The following NRP2 variants were observed in gnomAD, a reference collection of about 807,000 sequenced individuals.
NRP2 encodes the protein neuropilin 2, also known as neuropilin-2.
In NRP2, 52 loss-of-function variants were observed where a neutral mutation model predicts 110.4. The observed-to-expected ratio is 0.47, with a 90% CI of 0.38 to 0.59. The LOEUF (loss-of-function observed/expected upper bound fraction) is 0.59. Ranked by LOEUF, NRP2 falls within the 20% of genes least tolerant of loss-of-function variation. The probability of loss-of-function intolerance (pLI) is 0.00; values close to 1 mark genes in which losing one functional copy is unlikely to be tolerated. For synonymous variants in NRP2, 508 were observed against 468.9 expected (o/e 1.08, Z -1.08); for missense variants, 1,049 against 1,203.0 (o/e 0.87, Z 1.89).
Position 205,732,881 on chromosome 2 carries a change from T to A in NRP2, c.1146+4835T>A, listed in dbSNP as rs570803017. ...AAGTTTTCAGGAAAAACCTTTTTTT[T>A]AAAAAAACCTCCTGGCAGATGATGG... On this transcript the variant is annotated intron_variant, in intron 7 of 16. Coordinates refer to ENST00000357785, the MANE Select transcript of NRP2 (RefSeq NM_003872.3). 1.0e-3 allele frequency among the ~76,000 whole-genome samples: 154 copies of A among 152,164 alleles called. 1 individual carries two copies. The highest frequency in any genetic ancestry group is 6.8e-3 in the Middle Eastern group (2 of 294).
chr2:205,788,177 G>A (rs535624631), intron 15 of NRP2, among the ~76,000 whole-genome samples: 1 of 152,128 alleles, frequency 6.6e-6, no homozygotes, highest in African/African-American at 2.4e-5. Flanking sequence ...TCTGTCTCTC[G>A]ATGATGCAGA....
intron 2 of NRP2, among the ~76,000 whole-genome samples, chr2:205,703,985 C>T (rs2105756923): frequency 6.6e-6 from 1 of 152,240 alleles, no homozygotes; most frequent in Middle Eastern, 3.4e-3. Flanking sequence ...ACAGGGTGGT[C>T]AGGAAGCAGG....
chr2:205,750,586 T>C (rs1480366028), intron 11 of NRP2, among the ~76,000 whole-genome samples: 1 of 152,254 alleles, frequency 6.6e-6, no homozygotes, highest in African/African-American at 2.4e-5. Context: ...GTCAGTCACA[T>C]TTTAAATCAT....
intron 13 of NRP2, chr2:205,764,349 A>G (rs1304902450): frequency 5.1e-6 from 1 of 194,776 alleles, no homozygotes; most frequent in African/African-American, 2.4e-5. Flanking sequence ...CAGCAAGAAC[A>G]CAGGAAGGGG....
In NRP2 at chr2:205,686,409, A is replaced by G. The variant is rs913198346; in HGVS notation, c.73+3046A>G. Among the ~76,000 whole-genome samples, 2 of 152,180 alleles carry G rather than the reference A, an allele frequency of 1.3e-5. No homozygotes were observed. The highest frequency in any genetic ancestry group is 2.9e-5 in the Non-Finnish European group (2 of 68,034). ...CGCTCTTTGCTTTTCCACGTGAGAA[A>G]AAGAAATGTTCACGGCCGATGCTTC... On this transcript the variant is annotated intron_variant, in intron 1 of 16. Coordinates refer to ENST00000357785, the MANE Select transcript of NRP2 (RefSeq NM_003872.3). This position sits in a 1 kb window ranked among gnomAD's most constrained non-coding sequence, Gnocchi z 4.7.
chr2:205,716,133 A>G, intron 2 of NRP2, 60 bp from the exon 3 acceptor site: 1 of 1,548,754 alleles, frequency 6.5e-7, no homozygotes, highest in Non-Finnish European at 8.9e-7. Flanking sequence ...TGGGAGCGAC[A>G]CAGTGGTCCT....
chr2:205,771,053 G>A (rs972980731), intron 15 of NRP2, among the ~76,000 whole-genome samples: 2 of 152,174 alleles, frequency 1.3e-5, no homozygotes, highest in Non-Finnish European at 2.9e-5. Flanking sequence ...AAGAACACAG[G>A]GACAAGACTC....
chr2:205,766,732 C>T, intron 14 of NRP2, 51 bp from the exon 15 acceptor site: 1 of 1,514,674 alleles, frequency 6.6e-7, no homozygotes, highest in South Asian at 1.1e-5. Flanking sequence ...TATGTTCACC[C>T]AATTGTTTCT....
At chr2:205,683,829 G>A (rs536296958) in intron 1 of NRP2, among the ~76,000 whole-genome samples, 1 of 152,256 alleles carries the variant, frequency 6.6e-6, no homozygotes, top group African/African-American at 2.4e-5. Flanking sequence ...CAAGAGTTTA[G>A]TTTTGGTTTT....
Position 205,697,524 on chromosome 2 carries a change from G to A in NRP2, c.74-20G>A, listed in dbSNP as rs1435317721. ...TTGTAACATATTTGAAGTTCTTTGG[G>A]TCGTTGATTTCTCTTTCAGACCCAC... On this transcript the variant is annotated intron_variant, in intron 1 of 16. Coordinates refer to ENST00000357785, the MANE Select transcript of NRP2 (RefSeq NM_003872.3). 1 of 1,609,980 alleles carries A rather than the reference G, an allele frequency of 6.2e-7. No homozygotes were observed. Among genetic ancestry groups the A allele is most frequent in the Non-Finnish European group, 8.5e-7 (1 of 1,176,268 alleles).
chr2:205,770,456 C>G (rs556386683), intron 15 of NRP2, among the ~76,000 whole-genome samples: 11 of 136,792 alleles, frequency 8.0e-5, no homozygotes, highest in Non-Finnish European at 1.3e-4. Flanking sequence ...TTCTTTGGTG[C>G]CAACTGGCCA....
chr2:205,683,307 T>C lies in NRP2; in HGVS notation c.17T>C (p.Leu6Pro). MDMFP[L>P]TWVFLALYFS... ...TTCTCCAAAATGGATATGTTTCCTC[T>C]CACCTGGGTTTTCTTAGCCCTCTAC... Residue 6 changes from leucine (L) to proline (P), a missense_variant, in exon 1 of 17, where the codon CTC becomes CCC. Physicochemically the swap from Leu to Pro is moderately conservative, Grantham distance 98. Coordinates refer to ENST00000357785, the MANE Select transcript of NRP2 (RefSeq NM_003872.3). The C allele has an allele frequency of 1.2e-6, 2 of 1,613,804 alleles. No individual in the cohort carries two copies.
intron 2 of NRP2, among the ~76,000 whole-genome samples, chr2:205,699,268 T>A (rs2056502633): frequency 6.6e-6 from 1 of 152,248 alleles, no homozygotes; most frequent in Non-Finnish European, 1.5e-5. Context: ...ATCAAAGATT[T>A]CTGTTAGAAG....
chr2:205,716,402 G>A, intron 3 of NRP2, 28 bp downstream of exon 3: 2 of 1,611,910 alleles, frequency 1.2e-6, no homozygotes, highest in Non-Finnish European at 1.7e-6. Flanking sequence ...TAGGGGCCGG[G>A]AGATGGGCGT....
At chr2:205,704,994 G>A (rs2056645071) in intron 2 of NRP2, among the ~76,000 whole-genome samples, 1 of 152,158 alleles carries the variant, frequency 6.6e-6, no homozygotes. Context: ...AATATACCAA[G>A]TGAAAACATC....
chr2:205,723,836 G>A lies in NRP2; in HGVS notation c.716G>A (p.Arg239His), dbSNP rs201324375. 268 of 1,614,174 alleles carry A rather than the reference G, an allele frequency of 1.7e-4. 2 individuals carry two copies. In the Admixed American group the frequency reaches 3.1e-3, roughly 19 times the overall value. ...YCGTKTPSEL[R>H]SSTGILSLTF... ...GGGACCAAAACACCCTCTGAACTTC[G>A]TTCATCGACGGGGATCCTCTCCCTG... is the stretch of plus-strand genomic sequence containing the variant. Residue 239 changes from arginine (R) to histidine (H), a missense_variant, in exon 5 of 17, where the codon CGT becomes CAT. Physicochemically the swap from Arg to His is conservative, Grantham distance 29. Coordinates refer to ENST00000357785, the MANE Select transcript of NRP2 (RefSeq NM_003872.3).
At chr2:205,782,616 G>A (rs2058187828) in intron 15 of NRP2, among the ~76,000 whole-genome samples, 1 of 152,196 alleles carries the variant, frequency 6.6e-6, no homozygotes, top group Non-Finnish European at 1.5e-5. Context: ...GTTGAGTTAT[G>A]TGGTTTGGTT....
At chr2:205,724,000 A>T in intron 5 of NRP2, 60 bp downstream of exon 5, 1 of 1,589,440 alleles carries the variant, frequency 6.3e-7, no homozygotes, top group Non-Finnish European at 8.6e-7. Flanking sequence ...GAGGGTGTAC[A>T]GGTGAAGGGG....
chr2:205,747,547 TATTATAGTC>T, intron 10 of NRP2, among the ~76,000 whole-genome samples: 1 of 152,260 alleles, frequency 6.6e-6, no homozygotes, highest in African/African-American at 2.4e-5. Context: ...CACTCCAAAA[TATTATAGTC>T]GGTATGTTTT....
Sources: gnomAD v4.1 joint callset for allele counts (sites outside exome capture counted in the v4.1 genomes callset) on GRCh38, gnomAD v4.1.1 for gene constraint, Gnocchi (gnomAD v3.1) non-coding constraint, MANE v1.5 for transcripts, NCBI Gene and HGNC (gene_info 2026-07-23, HGNC 2026-07-21) for gene names.